The following KALRN variants were observed in gnomAD, a reference collection of about 807,000 sequenced individuals.
KALRN encodes kalirin RhoGEF kinase, also known as kalirin.
A neutral mutation model predicts 353.7 loss-of-function variants in KALRN; 70 were observed. The ratio of observed to expected loss-of-function variants is 0.20; its 90% CI spans 0.16 to 0.24. The LOEUF (loss-of-function observed/expected upper bound fraction) is 0.24, where lower values mean the gene tolerates loss of function less well. Among genes scored for constraint, KALRN ranks in the 10% least tolerant of loss-of-function variants. The pLI is 1.00. For missense variants in KALRN, 2,791 were observed against 3,756.7 expected, an observed-to-expected ratio of 0.74 and a Z score of 6.72; for synonymous variants, 1,391 against 1,434.8, an observed-to-expected ratio of 0.97 and a Z score of 0.69.
chr3:124,532,689 C>A (rs2068142727), intron 33 of KALRN, among the ~76,000 whole-genome samples: 1 of 152,072 alleles, frequency 6.6e-6, no homozygotes, highest in South Asian at 2.1e-4. Context: ...CATCTGTAGT[C>A]CCAGCTACTC....
chr3:124,442,597 T>C (rs2093701687), intron 19 of KALRN, among the ~76,000 whole-genome samples: 1 of 152,148 alleles, frequency 6.6e-6, no homozygotes, highest in Non-Finnish European at 1.5e-5. Context: ...AGTTTCTTAT[T>C]TAAAATGAGG....
At chr3:124,228,475 G>T (rs771645652) in intron 2 of KALRN, among the ~76,000 whole-genome samples, 1 of 152,220 alleles carries the variant, frequency 6.6e-6, no homozygotes, top group Non-Finnish European at 1.5e-5. Flanking sequence ...GGGAACTCAA[G>T]TGAGGGTTCA....
At chr3:124,605,720 C>A (rs971238305) in intron 34 of KALRN, among the ~76,000 whole-genome samples, 11 of 152,110 alleles carry the variant, frequency 7.2e-5, no homozygotes, top group African/African-American at 2.7e-4. Flanking sequence ...TTCTGTCCCC[C>A]TGATTATAGA....
intron 16 of KALRN, among the ~76,000 whole-genome samples, chr3:124,433,158 T>C (rs770099343): frequency 3.3e-5 from 5 of 152,100 alleles, no homozygotes; most frequent in Non-Finnish European, 5.9e-5. Flanking sequence ...ACAATGATTG[T>C]TGGTGGGGAG....
At chr3:124,412,646 T>C (rs191433161) in intron 13 of KALRN, among the ~76,000 whole-genome samples, 3 of 152,256 alleles carry the variant, frequency 2.0e-5, no homozygotes, top group Admixed American at 2.0e-4. Flanking sequence ...TGAGTTAAGG[T>C]GTAGAGAAAT....
chr3:124,493,973 C>A (rs886829088), intron 32 of KALRN, among the ~76,000 whole-genome samples: 2 of 152,140 alleles, frequency 1.3e-5, no homozygotes, highest in African/African-American at 2.4e-5. Flanking sequence ...ACAGGCCATG[C>A]CTCAGGGAAT....
chr3:124,560,108 CCCGT>C (rs769756852), intron 33 of KALRN, among the ~76,000 whole-genome samples: 6 of 152,218 alleles, frequency 3.9e-5, no homozygotes, highest in Non-Finnish European at 7.3e-5. Flanking sequence ...TTTATCCTCT[CCCGT>C]CCAGCCCATG....
chr3:124,097,639 G>A (rs1487102344), intron 1 of KALRN, among the ~76,000 whole-genome samples: 1 of 152,216 alleles, frequency 6.6e-6, no homozygotes, highest in African/African-American at 2.4e-5. Flanking sequence ...AACACATCAT[G>A]GAGCTGAAAT....
intron 49 of KALRN, among the ~76,000 whole-genome samples, chr3:124,676,698 C>T (rs1413599180): frequency 1.3e-5 from 2 of 152,212 alleles, no homozygotes; most frequent in Non-Finnish European, 2.9e-5. Context: ...TGCTGCCTGC[C>T]CTGGGAGTCC....
At position 124,287,770 on chromosome 3, in the gene KALRN, GATATATATATATATATATATATATAT is replaced by G. The variant is rs58694397; in HGVS notation, c.970-10990_970-10965del. Among the ~76,000 whole-genome samples the G allele has an allele frequency of 2.7e-3, 312 of 114,608 alleles. 4 individuals are homozygous for G. Among genetic ancestry groups the G allele is most frequent in the African/African-American group, 3.5e-3 (97 of 27,456 alleles). The allele number at this position is 114,608 out of a possible 152,430, so 75.2% of individuals were successfully genotyped here. ...GAAAATCAATGGTAGGGCCTAGGAA[GATATATATATATATATATATATATAT>G]ATATATATATATATATATATATATA... is the stretch of plus-strand genomic sequence containing the variant. On this transcript the variant is annotated intron_variant, in intron 5 of 59. Transcript: ENST00000682506.
chr3:124,225,529 A>G (rs2078382035), intron 1 of KALRN, among the ~76,000 whole-genome samples: 2 of 152,146 alleles, frequency 1.3e-5, no homozygotes, highest in African/African-American at 4.8e-5. Flanking sequence ...GAACAGCCCA[A>G]CCCAAGGTAT....
chr3:124,116,857 C>T (rs1224273158), intron 1 of KALRN, among the ~76,000 whole-genome samples: 2 of 152,190 alleles, frequency 1.3e-5, no homozygotes, highest in Admixed American at 1.3e-4. Context: ...GTAACTGAAA[C>T]TGTGGAAAAT....
intron 34 of KALRN, among the ~76,000 whole-genome samples, chr3:124,602,042 A>C (rs2076863068): frequency 1.3e-5 from 2 of 149,936 alleles, no homozygotes; most frequent in Non-Finnish European, 3.0e-5. Context: ...AAAAAAAAAA[A>C]GAAAAGAAAA....
chr3:124,064,268 C>A (rs1307429411), intron 1 of KALRN, among the ~76,000 whole-genome samples: 3 of 151,840 alleles, frequency 2.0e-5, no homozygotes, highest in South Asian at 4.2e-4. Flanking sequence ...TCTGATTAAG[C>A]CTTAAAGAAC....
chr3:124,617,091 GGAGGCT>G (rs753153447), intron 34 of KALRN, among the ~76,000 whole-genome samples: 6 of 152,038 alleles, frequency 3.9e-5, no homozygotes, highest in Non-Finnish European at 8.8e-5. Context: ...TAGCACTTTG[GGAGGCT>G]GAGGCAGGTG....
At chr3:124,486,408 T>C (rs1377300080) in intron 28 of KALRN, among the ~76,000 whole-genome samples, 3 of 152,130 alleles carry the variant, frequency 2.0e-5, no homozygotes, top group African/African-American at 7.2e-5. Flanking sequence ...CTGAGAACTT[T>C]AGGTTGGCAG....
At chr3:124,487,561 G>A (rs1011488787) in intron 28 of KALRN, among the ~76,000 whole-genome samples, 2 of 152,038 alleles carry the variant, frequency 1.3e-5, no homozygotes, top group African/African-American at 4.8e-5. Context: ...TCTCTTAATC[G>A]CACTTACCTC....
chr3:124,723,661 T>C lies in KALRN; in HGVS notation c.*4191T>C, dbSNP rs1234789483. ...CAGGTGCTCTTTGTCTAAATGTTAT[T>C]TGGTCTTAGCCTATAATTTCGATCA... On this transcript the variant is annotated 3_prime_UTR_variant, in exon 60 of 60. Coordinates refer to ENST00000682506, the MANE Select transcript of KALRN (RefSeq NM_001388419.1). 1 of 152,200 alleles carries C rather than the reference T, an allele frequency of 6.6e-6. No individual in the cohort carries two copies. Among genetic ancestry groups the C allele is most frequent in the Non-Finnish European group, 1.5e-5 (1 of 68,018 alleles). The allele number at this position is 152,200 out of a possible 1,614,324, so 9.4% of individuals were successfully genotyped here. A position where few individuals can be genotyped will look rare whatever the true frequency, so the allele number is the denominator to read the frequency against.
chr3:124,678,082 G>T, intron 49 of KALRN, 108 bp from the exon 50 acceptor site: 1 of 1,237,910 alleles, frequency 8.1e-7, no homozygotes, highest in Non-Finnish European at 1.2e-6. Context: ...TGAAGCCCGG[G>T]CTTGATGGAG....
Sources: gnomAD v4.1 joint callset for allele counts (sites outside exome capture counted in the v4.1 genomes callset) on GRCh38, gnomAD v4.1.1 for gene constraint, MANE v1.5 for transcripts, NCBI Gene and HGNC (gene_info 2026-07-23, HGNC 2026-07-21) for gene names.